SDCCAG8: variants seen among roughly 807,000 people sequenced by gnomAD.
The protein encoded by SDCCAG8 is SHH signaling and ciliogenesis regulator SDCCAG8.
In SDCCAG8, 74 loss-of-function variants were observed where a neutral mutation model predicts 101.8. The observed-to-expected ratio is 0.73, with a 90% CI of 0.60 to 0.88. The LOEUF is 0.88. Among genes scored for constraint, SDCCAG8 ranks in the 40% least tolerant of loss-of-function variants. SDCCAG8 has a pLI of 0.00. For missense variants in SDCCAG8, 787 were observed against 822.6 expected, an observed-to-expected ratio of 0.96 and a Z score of 0.53; for synonymous variants, 281 against 292.9, an observed-to-expected ratio of 0.96 and a Z score of 0.41.
At chr1:243,386,109 A>G (rs1040234169) in intron 13 of SDCCAG8, among the ~76,000 whole-genome samples, 1 of 152,214 alleles carries the variant, frequency 6.6e-6, no homozygotes, top group African/African-American at 2.4e-5. Context: ...TGTTCCAGGA[A>G]CCAAGCTGAG....
intron 2 of SDCCAG8, among the ~76,000 whole-genome samples, 157 bp from the exon 3 acceptor site, chr1:243,270,821 C>CTT (rs78256147): frequency 7.1e-6 from 1 of 141,644 alleles, no homozygotes; most frequent in African/African-American, 2.6e-5. Flanking sequence ...GGTAGAAATT[C>CTT]TTTTTTTTTT....
chr1:243,411,548 T>C (rs2148002457), intron 13 of SDCCAG8, among the ~76,000 whole-genome samples: 1 of 152,286 alleles, frequency 6.6e-6, no homozygotes, highest in Non-Finnish European at 1.5e-5. Flanking sequence ...TAGAAGAACA[T>C]TTATATCCAC....
chr1:243,397,744 C>A (rs1161267139), intron 13 of SDCCAG8, among the ~76,000 whole-genome samples: 1 of 152,230 alleles, frequency 6.6e-6, no homozygotes, highest in Non-Finnish European at 1.5e-5. Flanking sequence ...TGAGGTTGAC[C>A]TGATTTTCAT....
At chr1:243,356,829 AG>A (rs2076412765) in intron 12 of SDCCAG8, among the ~76,000 whole-genome samples, 1 of 151,978 alleles carries the variant, frequency 6.6e-6, no homozygotes, top group Non-Finnish European at 1.5e-5. Context: ...TACAAAAAAA[AG>A]AAAAAAAAAA....
intron 13 of SDCCAG8, among the ~76,000 whole-genome samples, chr1:243,393,571 G>A (rs1414433208): frequency 1.3e-5 from 2 of 152,208 alleles, no homozygotes; most frequent in East Asian, 3.9e-4. Flanking sequence ...TAGTGACTGA[G>A]AAAGGAAGAA....
chr1:243,360,845 A>C (rs1447931683), intron 12 of SDCCAG8, among the ~76,000 whole-genome samples: 1 of 151,972 alleles, frequency 6.6e-6, no homozygotes, highest in Non-Finnish European at 1.5e-5. Flanking sequence ...ACAAAACAAA[A>C]AAACAAACAA....
intron 16 of SDCCAG8, among the ~76,000 whole-genome samples, chr1:243,442,401 G>A (rs964170058): frequency 6.6e-6 from 1 of 152,088 alleles, no homozygotes; most frequent in African/African-American, 2.4e-5. Context: ...ATTATAAGAA[G>A]GAGACATGTC....
intron 1 of SDCCAG8, among the ~76,000 whole-genome samples, chr1:243,260,162 G>A (rs1046389848): frequency 1.3e-5 from 2 of 152,170 alleles, no homozygotes; most frequent in East Asian, 1.9e-4. Context: ...CAGAAAAACC[G>A]GAAGGCTTTG....
intron 8 of SDCCAG8, among the ~76,000 whole-genome samples, chr1:243,312,400 A>G (rs898847006): frequency 2.0e-5 from 3 of 152,188 alleles, no homozygotes; most frequent in East Asian, 1.9e-4. Flanking sequence ...TTGAATATAT[A>G]TTCATGAAAC....
chr1:243,469,583 G>A (rs1333682444), intron 16 of SDCCAG8, among the ~76,000 whole-genome samples: 2 of 152,022 alleles, frequency 1.3e-5, no homozygotes, highest in African/African-American at 4.8e-5. Context: ...CATTCATATT[G>A]TGGATTACAA....
intron 16 of SDCCAG8, among the ~76,000 whole-genome samples, chr1:243,436,356 T>A (rs2082134673): frequency 6.6e-6 from 1 of 152,184 alleles, no homozygotes. Context: ...CTATAAATTT[T>A]ATAGTTTCGT....
chr1:243,407,707 T>A (rs2079884371), intron 13 of SDCCAG8, among the ~76,000 whole-genome samples: 1 of 152,228 alleles, frequency 6.6e-6, no homozygotes, highest in Admixed American at 6.5e-5. Flanking sequence ...GAAGTTGACC[T>A]CCTTTCTGTT....
At chr1:243,274,468 T>G (rs1415880290) in intron 3 of SDCCAG8, 75 bp from the exon 4 acceptor site, 20 of 856,690 alleles carry the variant, frequency 2.3e-5, no homozygotes, top group Non-Finnish European at 3.8e-5. Flanking sequence ...GATTCTTTGC[T>G]AAATCCAAAC....
In SDCCAG8 at chr1:243,307,840, G is replaced by A. The variant is rs368541257; in HGVS notation, c.741-149G>A. ...ATCACCACACCAAAGTTTCAGGGTCGTGGTAAAAATTAATAAGGTATTGGA... is the reference window on the plus strand; with the variant it reads ...ATCACCACACCAAAGTTTCAGGGTCATGGTAAAAATTAATAAGGTATTGGA... On this transcript the variant is annotated intron_variant, in intron 7 of 17. Transcript: ENST00000366541. The A allele has an allele frequency of 6.9e-5, 102 of 1,481,950 alleles. No homozygotes were observed. Among genetic ancestry groups the A allele is most frequent in the East Asian group, 2.7e-4 (11 of 40,720 alleles). The allele number at this position is 1,481,950 out of a possible 1,614,324, so 91.8% of individuals were successfully genotyped here.
intron 3 of SDCCAG8, among the ~76,000 whole-genome samples, chr1:243,271,708 A>G (rs2068097622): frequency 6.6e-6 from 1 of 151,780 alleles, no homozygotes; most frequent in Non-Finnish European, 1.5e-5. Flanking sequence ...ACACCAGGCT[A>G]ATTTTTTGTA....
chr1:243,493,632 CAG>C (rs1359579466), intron 17 of SDCCAG8, among the ~76,000 whole-genome samples: 1 of 151,916 alleles, frequency 6.6e-6, no homozygotes, highest in African/African-American at 2.4e-5. Context: ...GTTTAGAAAA[CAG>C]AGTCGGAAAC....
chr1:243,454,526 G>A (rs749136371), intron 16 of SDCCAG8, among the ~76,000 whole-genome samples: 5 of 152,224 alleles, frequency 3.3e-5, no homozygotes, highest in Middle Eastern at 3.4e-3. Flanking sequence ...CACTGTACCC[G>A]TTTGGGCATG....
chr1:243,284,618 AG>A (rs915728307), intron 4 of SDCCAG8, among the ~76,000 whole-genome samples: 1 of 152,094 alleles, frequency 6.6e-6, no homozygotes, highest in African/African-American at 2.4e-5. Flanking sequence ...GGAATGCAAG[AG>A]GGGGCTGGAG....
At chr1:243,388,927 A>C (rs370689792) in intron 13 of SDCCAG8, among the ~76,000 whole-genome samples, 1 of 147,180 alleles carries the variant, frequency 6.8e-6, no homozygotes, top group South Asian at 2.2e-4. Flanking sequence ...AGTCCTGGCT[A>C]TTTGGGAAGC....
Sources: allele counts gnomAD v4.1 joint callset (sites outside exome capture counted in the v4.1 genomes callset), GRCh38; gene constraint gnomAD v4.1.1; transcripts MANE v1.5; gene names NCBI Gene and HGNC (gene_info 2026-07-23, HGNC 2026-07-21).